The following CSMD1 variants were observed in gnomAD, a reference collection of about 807,000 sequenced individuals.
The protein encoded by CSMD1 is CUB and Sushi multiple domains 1, also known as CUB and sushi domain-containing protein 1.
A neutral mutation model predicts 417.5 loss-of-function variants in CSMD1; 213 were observed. The observed-to-expected ratio is 0.51, with a 90% CI of 0.46 to 0.57. The LOEUF (loss-of-function observed/expected upper bound fraction) is 0.57, where lower values mean the gene tolerates loss of function less well. Among genes scored for constraint, CSMD1 ranks in the 20% least tolerant of loss-of-function variants. CSMD1 has a pLI of 0.00. For synonymous variants in CSMD1, 2,862 were observed against 1,736.8 expected (o/e 1.65, Z -16.11); for missense variants, 6,923 against 4,529.7 (o/e 1.53, Z -15.17).
intron 7 of CSMD1, among the ~76,000 whole-genome samples, chr8:3,617,990 A>T (rs780467862): frequency 6.6e-6 from 1 of 152,174 alleles, no homozygotes; most frequent in African/African-American, 2.4e-5. Flanking sequence ...AACAGTAATC[A>T]TATCAAGTTT....
At chr8:3,736,618 C>T (rs1335946693) in intron 6 of CSMD1, among the ~76,000 whole-genome samples, 1 of 152,176 alleles carries the variant, frequency 6.6e-6, no homozygotes, top group African/African-American at 2.4e-5. Flanking sequence ...CAGGCAATGG[C>T]AGAGTGAATC....
At chr8:3,327,376 G>A (rs974689976) in intron 23 of CSMD1, among the ~76,000 whole-genome samples, 2 of 152,008 alleles carry the variant, frequency 1.3e-5, no homozygotes. Flanking sequence ...CTTGTGATCT[G>A]CCCACCTCGG....
At chr8:3,302,035 A>C (rs1804450589) in intron 25 of CSMD1, among the ~76,000 whole-genome samples, 1 of 152,100 alleles carries the variant, frequency 6.6e-6, no homozygotes, top group African/African-American at 2.4e-5. Context: ...TAGGTGGGAA[A>C]TTATTGGATA....
intron 40 of CSMD1, among the ~76,000 whole-genome samples, chr8:3,148,199 G>A (rs939075512): frequency 6.6e-6 from 1 of 152,100 alleles, no homozygotes; most frequent in African/African-American, 2.4e-5. Context: ...AGATAATTGT[G>A]GTCACCTCTG....
At chr8:3,514,204 T>C (rs1797193872) in intron 10 of CSMD1, among the ~76,000 whole-genome samples, 1 of 152,174 alleles carries the variant, frequency 6.6e-6, no homozygotes, top group Non-Finnish European at 1.5e-5. Context: ...CATGCTCTTG[T>C]GTAAAGGATA....
chr8:4,175,282 G>C (rs971895045), intron 3 of CSMD1, among the ~76,000 whole-genome samples: 3 of 152,130 alleles, frequency 2.0e-5, no homozygotes, highest in African/African-American at 7.2e-5. Flanking sequence ...TCTGCTGATG[G>C]GTCATATCCT....
chr8:3,639,345 T>A (rs1427605580), intron 7 of CSMD1, among the ~76,000 whole-genome samples: 1 of 152,054 alleles, frequency 6.6e-6, no homozygotes, highest in Non-Finnish European at 1.5e-5. Context: ...AAGTTTGGAG[T>A]TTAAGAGGAA....
At chr8:4,332,704 A>G (rs1799943403) in intron 3 of CSMD1, among the ~76,000 whole-genome samples, 1 of 151,994 alleles carries the variant, frequency 6.6e-6, no homozygotes, top group Admixed American at 6.6e-5. Context: ...AATTACATGA[A>G]AAAGTATTAA....
chr8:4,678,468 A>C (rs1285941854), intron 1 of CSMD1, among the ~76,000 whole-genome samples: 1 of 152,156 alleles, frequency 6.6e-6, no homozygotes, highest in African/African-American at 2.4e-5. Flanking sequence ...TTTTATTATC[A>C]TTTATATGGC....
rs533533593 is a variant in CSMD1 at position 3,712,831 on chromosome 8, G to A, written c.932-4340C>T. Among the ~76,000 whole-genome samples, 5 of 152,122 alleles carry A rather than the reference G, an allele frequency of 3.3e-5. No individual in the cohort carries two copies. The East Asian group carries it at 7.7e-4, about 23-fold the overall frequency. On this transcript the variant is annotated intron_variant, in intron 6 of 69. Coordinates refer to ENST00000635120, the MANE Select transcript of CSMD1 (RefSeq NM_033225.6). ...ATTCAACAATTTCAAATACATTGTGGTCTACAGAGGCCAGGGCTGGGGGAC... is the reference window on the plus strand; with the variant it reads ...ATTCAACAATTTCAAATACATTGTGATCTACAGAGGCCAGGGCTGGGGGAC...
At chr8:3,586,516 T>C (rs1002873498) in intron 8 of CSMD1, among the ~76,000 whole-genome samples, 8 of 152,162 alleles carry the variant, frequency 5.3e-5, no homozygotes, top group African/African-American at 1.7e-4. Flanking sequence ...TAACTTGTCA[T>C]GACTAAGACA....
intron 3 of CSMD1, among the ~76,000 whole-genome samples, chr8:4,177,808 G>A (rs374057664): frequency 4.0e-4 from 61 of 151,538 alleles, no homozygotes; most frequent in Middle Eastern, 3.4e-3. Flanking sequence ...ACACCTCTAC[G>A]CAAATAAACT....
At chr8:3,169,658 T>C (rs1424490353) in intron 37 of CSMD1, among the ~76,000 whole-genome samples, 1 of 152,188 alleles carries the variant, frequency 6.6e-6, no homozygotes, top group African/African-American at 2.4e-5. Context: ...GATGTCATGT[T>C]ATTTATATTT....
At chr8:4,237,544 T>G (rs981346290) in intron 3 of CSMD1, among the ~76,000 whole-genome samples, 4 of 151,826 alleles carry the variant, frequency 2.6e-5, no homozygotes, top group South Asian at 2.1e-4. Context: ...CTTTTTTTTT[T>G]TTGTTTTTGA....
chr8:4,157,065 G>A (rs1435172593), intron 3 of CSMD1, among the ~76,000 whole-genome samples: 1 of 152,148 alleles, frequency 6.6e-6, no homozygotes, highest in Non-Finnish European at 1.5e-5. Flanking sequence ...GACCAGAACA[G>A]GGATGGACCC....
At chr8:4,594,431 C>G (rs1333042961) in intron 2 of CSMD1, among the ~76,000 whole-genome samples, 3 of 151,966 alleles carry the variant, frequency 2.0e-5, no homozygotes, top group Non-Finnish European at 4.4e-5. Context: ...AACTCCTGAA[C>G]TCAAGTAATC....
intron 5 of CSMD1, among the ~76,000 whole-genome samples, chr8:3,787,230 C>A (rs1159887807): frequency 6.6e-6 from 1 of 151,770 alleles, no homozygotes; most frequent in African/African-American, 2.4e-5. Flanking sequence ...AAATGAAAAA[C>A]AACAACAAAA....
chr8:3,606,353 C>G (rs180793542), intron 8 of CSMD1, among the ~76,000 whole-genome samples: 49 of 152,268 alleles, frequency 3.2e-4, no homozygotes, highest in African/African-American at 1.1e-3. Flanking sequence ...CTAGTCCTCC[C>G]AGGCTATGAA....
chr8:3,801,988 A>G (rs1800483006), intron 5 of CSMD1, among the ~76,000 whole-genome samples: 1 of 152,140 alleles, frequency 6.6e-6, no homozygotes, highest in Admixed American at 6.6e-5. Context: ...AGGGGTGATG[A>G]AAATATTCTA....
Sources: allele counts gnomAD v4.1 joint callset (sites outside exome capture counted in the v4.1 genomes callset), GRCh38; gene constraint gnomAD v4.1.1; transcripts MANE v1.5; gene names NCBI Gene and HGNC (gene_info 2026-07-23, HGNC 2026-07-21).